WASF1: variants seen among roughly 807,000 people sequenced by gnomAD.
The protein encoded by WASF1 is WASP family member 1, also known as actin-binding protein WASF1.
Under a neutral mutation model 50.5 loss-of-function variants are expected in WASF1, and 7 were observed. The observed-to-expected ratio is 0.14, with a 90% CI of 0.08 to 0.26. The LOEUF (loss-of-function observed/expected upper bound fraction) is 0.26, where lower values mean the gene tolerates loss of function less well. Ranked by LOEUF, WASF1 falls within the 10% of genes least tolerant of loss-of-function variation. The probability of loss-of-function intolerance (pLI) is 1.00; values close to 1 mark genes in which losing one functional copy is unlikely to be tolerated. For missense variants in WASF1, 470 were observed against 694.7 expected (o/e 0.68, Z 3.64); for synonymous variants, 205 against 244.0 (o/e 0.84, Z 1.49).
chr6:110,132,318 T>C (rs1430172051), intron 3 of WASF1, among the ~76,000 whole-genome samples: 2 of 151,946 alleles, frequency 1.3e-5, no homozygotes, highest in African/African-American at 4.8e-5. Context: ...ATCCATTTTA[T>C]ATATTTTATT....
chr6:110,141,747 G>A (rs1166072927), intron 3 of WASF1, among the ~76,000 whole-genome samples: 1 of 151,860 alleles, frequency 6.6e-6, no homozygotes, highest in African/African-American at 2.4e-5. Context: ...GGTTGCTGCG[G>A]GAAGACAGAC....
intron 2 of WASF1, among the ~76,000 whole-genome samples, chr6:110,166,811 TTA>T (rs1776496801): frequency 6.6e-6 from 1 of 151,980 alleles, no homozygotes; most frequent in African/African-American, 2.4e-5. Flanking sequence ...GGCTGGCTGT[TTA>T]TGAGGATCAA....
intron 2 of WASF1, among the ~76,000 whole-genome samples, chr6:110,172,451 T>C (rs1433715066): frequency 6.6e-6 from 1 of 152,154 alleles, no homozygotes. Context: ...TGTAGTTGTG[T>C]ATTATGATGT....
intron 4 of WASF1, among the ~76,000 whole-genome samples, chr6:110,120,251 C>T (rs543359555): frequency 6.6e-6 from 1 of 152,256 alleles, no homozygotes; most frequent in South Asian, 2.1e-4. Context: ...GTCAAATTGT[C>T]TCTTGTTTTC....
intron 4 of WASF1, among the ~76,000 whole-genome samples, chr6:110,123,995 G>A (rs1583954994): frequency 6.6e-6 from 1 of 151,924 alleles, no homozygotes; most frequent in Non-Finnish European, 1.5e-5. Flanking sequence ...GACAGTAAGG[G>A]AAGGGTCCCC....
chr6:110,133,767 A>G (rs187643615), intron 3 of WASF1, among the ~76,000 whole-genome samples: 1 of 152,216 alleles, frequency 6.6e-6, no homozygotes, highest in East Asian at 1.9e-4. Context: ...TAGATTCTGA[A>G]TATTAATCCA....
intron 4 of WASF1, among the ~76,000 whole-genome samples, chr6:110,122,364 T>C (rs1774179642): frequency 6.6e-6 from 1 of 152,188 alleles, no homozygotes; most frequent in Admixed American, 6.5e-5. Flanking sequence ...TGAACCCTTC[T>C]ATGATACAGT....
chr6:110,135,084 T>G (rs569916230), intron 3 of WASF1, among the ~76,000 whole-genome samples: 13 of 152,320 alleles, frequency 8.5e-5, no homozygotes, highest in African/African-American at 2.9e-4. Context: ...GTCTTCCACC[T>G]CCTTGGTTAG....
At chr6:110,104,887 C>T (rs564452482) in intron 8 of WASF1, among the ~76,000 whole-genome samples, 1 of 152,234 alleles carries the variant, frequency 6.6e-6, no homozygotes, top group East Asian at 1.9e-4. Context: ...TTAGTTAGGG[C>T]CCCTGGCCAC....
intron 3 of WASF1, among the ~76,000 whole-genome samples, chr6:110,147,466 G>A (rs940149467): frequency 5.3e-5 from 8 of 151,504 alleles, no homozygotes; most frequent in African/African-American, 1.9e-4. Flanking sequence ...AGGAAATGAA[G>A]AAATAAGCTA....
chr6:110,154,267 T>C (rs971976195), intron 3 of WASF1, among the ~76,000 whole-genome samples: 2 of 152,122 alleles, frequency 1.3e-5, no homozygotes, highest in Non-Finnish European at 2.9e-5. Flanking sequence ...ATTACAACGA[T>C]GTGAATGAAC....
At chr6:110,170,211 G>C (rs1776646812) in intron 2 of WASF1, among the ~76,000 whole-genome samples, 1 of 152,066 alleles carries the variant, frequency 6.6e-6, no homozygotes, top group Non-Finnish European at 1.5e-5. Flanking sequence ...AGCAGAAAAA[G>C]AGAGGACATT....
At chr6:110,120,866 C>A (rs1774083523) in intron 4 of WASF1, among the ~76,000 whole-genome samples, 1 of 152,034 alleles carries the variant, frequency 6.6e-6, no homozygotes, top group Non-Finnish European at 1.5e-5. Flanking sequence ...AGAACAGAGC[C>A]CTCAGAAATA....
chr6:110,166,515 G>A (rs1776484469), intron 2 of WASF1, among the ~76,000 whole-genome samples: 2 of 151,806 alleles, frequency 1.3e-5, no homozygotes, highest in South Asian at 4.1e-4. Context: ...CAGTTTTAGT[G>A]TTACATTCAT....
chr6:110,147,180 T>C (rs1252308284), intron 3 of WASF1, among the ~76,000 whole-genome samples: 9 of 151,958 alleles, frequency 5.9e-5, no homozygotes, highest in African/African-American at 2.2e-4. Context: ...ACCCCATCTC[T>C]ACTAAAAATA....
chr6:110,143,158 T>A (rs1775338586), intron 3 of WASF1, among the ~76,000 whole-genome samples: 1 of 151,846 alleles, frequency 6.6e-6, no homozygotes, highest in African/African-American at 2.4e-5. Flanking sequence ...GTTTTTAATT[T>A]TAAAAAAAAC....
At chr6:110,115,620 C>T (rs1011662030) in intron 4 of WASF1, among the ~76,000 whole-genome samples, 14 of 152,166 alleles carry the variant, frequency 9.2e-5, no homozygotes, top group Non-Finnish European at 1.6e-4. Flanking sequence ...CTAATTCAGG[C>T]TCTAGATCAT....
At chr6:110,171,218 C>T (rs933582911) in intron 2 of WASF1, among the ~76,000 whole-genome samples, 4 of 152,188 alleles carry the variant, frequency 2.6e-5, no homozygotes, top group African/African-American at 9.6e-5. Flanking sequence ...AAGAACAGAA[C>T]TAATACAGTA....
chr6:110,154,469 T>C (rs1000440200), intron 3 of WASF1, among the ~76,000 whole-genome samples: 1 of 152,050 alleles, frequency 6.6e-6, no homozygotes, highest in African/African-American at 2.4e-5. Flanking sequence ...AATTGCGTAT[T>C]ATAAAAAAGT....
Sources: gnomAD v4.1 joint callset for allele counts (sites outside exome capture counted in the v4.1 genomes callset) on GRCh38, gnomAD v4.1.1 for gene constraint, MANE v1.5 for transcripts, NCBI Gene and HGNC (gene_info 2026-07-23, HGNC 2026-07-21) for gene names.